Variants in ADGRL3 observed in about 807,000 individuals in gnomAD.
ADGRL3 encodes adhesion G protein-coupled receptor L3.
In ADGRL3, 62 loss-of-function variants were observed where a neutral mutation model predicts 153.5. The ratio of observed to expected loss-of-function variants is 0.40; its 90% CI spans 0.33 to 0.50. ADGRL3 has a LOEUF of 0.50. Ranked by LOEUF, ADGRL3 falls within the 20% of genes least tolerant of loss-of-function variation. ADGRL3 has a pLI of 0.47. For missense variants in ADGRL3, 1,641 were observed against 1,859.4 expected (o/e 0.88, Z 2.16); for synonymous variants, 710 against 672.5 (o/e 1.06, Z -0.86).
At chr4:61,824,643 C>G (rs2097784974) in intron 9 of ADGRL3, among the ~76,000 whole-genome samples, 1 of 152,104 alleles carries the variant, frequency 6.6e-6, no homozygotes, top group Non-Finnish European at 1.5e-5. Context: ...TCTGCCTTGA[C>G]CTCCAAATGT....
rs1217679420 is a variant in ADGRL3 at position 61,979,789 on chromosome 4, G to C, written c.3015+17G>C. On this transcript the variant is annotated intron_variant, in intron 18 of 26. Coordinates refer to ENST00000683033, the MANE Select transcript of ADGRL3 (RefSeq NM_001387552.1). ...GACCAACCAGTAAGCAACCTACATTGATACCAGTGAAGAATTTTTCCACTT... is the reference window on the plus strand; with the variant it reads ...GACCAACCAGTAAGCAACCTACATTCATACCAGTGAAGAATTTTTCCACTT... 3 of 1,600,200 alleles carry C rather than the reference G, an allele frequency of 1.9e-6. No individual in the cohort carries two copies. Among genetic ancestry groups the C allele is most frequent in the South Asian group, 2.2e-5 (2 of 90,596 alleles).
At chr4:61,276,288 G>A (rs2149888236) in intron 1 of ADGRL3, among the ~76,000 whole-genome samples, 1 of 152,212 alleles carries the variant, frequency 6.6e-6, no homozygotes, top group African/African-American at 2.4e-5. Context: ...TCAGCCATAA[G>A]TCTAGATGCT....
chr4:61,612,181 C>T (rs2091445230), intron 5 of ADGRL3, among the ~76,000 whole-genome samples: 1 of 152,068 alleles, frequency 6.6e-6, no homozygotes, highest in East Asian at 1.9e-4. Context: ...CCAATTTAAG[C>T]TTATGATGAA....
chr4:61,580,275 C>T (rs1243013682), intron 4 of ADGRL3, among the ~76,000 whole-genome samples: 1 of 151,948 alleles, frequency 6.6e-6, no homozygotes, highest in Admixed American at 6.6e-5. Flanking sequence ...CAAAAGAGCT[C>T]TTTTTTTCAT....
chr4:61,426,251 T>C (rs1403499420), intron 2 of ADGRL3, among the ~76,000 whole-genome samples: 1 of 152,240 alleles, frequency 6.6e-6, no homozygotes, highest in Non-Finnish European at 1.5e-5. Flanking sequence ...ACTGCCCATC[T>C]ATTGGTGCAG....
intron 8 of ADGRL3, among the ~76,000 whole-genome samples, chr4:61,798,111 T>C (rs1413349851): frequency 2.6e-5 from 4 of 152,196 alleles, no homozygotes; most frequent in South Asian, 4.1e-4. Context: ...TATGGGCAAG[T>C]AGGGTAGCAT....
At chr4:61,862,693 G>C (rs115103433) in intron 9 of ADGRL3, among the ~76,000 whole-genome samples, 721 of 152,212 alleles carry the variant, frequency 4.7e-3, no homozygotes, top group African/African-American at 0.016. Context: ...CATCCTCTGG[G>C]AACTTGTTAG....
chr4:61,647,982 A>G (rs12504607), intron 5 of ADGRL3, among the ~76,000 whole-genome samples: 55,249 of 152,034 alleles, frequency 0.36, 11,637 homozygotes, highest in Non-Finnish European at 0.49. Flanking sequence ...CTGTGGGAAG[A>G]CGTTTTACCT....
chr4:61,291,194 ACACACACACACACACACACACACG>A (rs2094168321), intron 1 of ADGRL3, among the ~76,000 whole-genome samples: 2 of 102,404 alleles, frequency 2.0e-5, no homozygotes, highest in African/African-American at 6.8e-5. Context: ...ACACACACAC[ACACACACACACACACACACACACG>A]CACACACACA....
chr4:61,200,624 T>C lies in ADGRL3; in HGVS notation c.-1381T>C, dbSNP rs1734361187. On this transcript the variant is annotated 5_prime_UTR_variant, in exon 1 of 27. Coordinates refer to ENST00000683033, the MANE Select transcript of ADGRL3 (RefSeq NM_001387552.1). ...CTCGCCCCCTCCCCTTTCTTTCTTCTCTTTTTGCCTTGGTCCTCTTCCTAC... is the reference window on the plus strand; with the variant it reads ...CTCGCCCCCTCCCCTTTCTTTCTTCCCTTTTTGCCTTGGTCCTCTTCCTAC... 6.6e-6 allele frequency among the ~76,000 whole-genome samples: 1 copy of C among 151,748 alleles called. No individual in the cohort carries two copies. The highest frequency in any genetic ancestry group is 6.5e-5 in the Admixed American group (1 of 15,288).
chr4:61,503,266 T>C (rs1306143579), intron 3 of ADGRL3, among the ~76,000 whole-genome samples: 2 of 152,146 alleles, frequency 1.3e-5, no homozygotes, highest in African/African-American at 4.8e-5. Context: ...AATTTAATTG[T>C]AGTAATAATC....
At chr4:61,930,636 A>G (rs2098813937) in intron 13 of ADGRL3, among the ~76,000 whole-genome samples, 1 of 152,188 alleles carries the variant, frequency 6.6e-6, no homozygotes, top group African/African-American at 2.4e-5. Context: ...TCTGAATTTA[A>G]TGATAAGAGT....
chr4:61,651,394 CTG>C (rs1393179239), intron 5 of ADGRL3, among the ~76,000 whole-genome samples: 1 of 151,998 alleles, frequency 6.6e-6, no homozygotes, highest in East Asian at 1.9e-4. Flanking sequence ...ACCAAAATTC[CTG>C]TGCCTTTAAC....
chr4:62,017,400 T>C lies in ADGRL3; in HGVS notation c.3396-11455T>C, dbSNP rs59343145. Among the ~76,000 whole-genome samples, 351 of 151,726 alleles carry C rather than the reference T, an allele frequency of 2.3e-3. 2 individuals are homozygous for C. Among genetic ancestry groups the C allele is most frequent in the African/African-American group, 8.2e-3 (340 of 41,510 alleles). Reference sequence around the variant, plus strand: ...AATTGTTTTGTATTTTCTTGAAAAATACTAAAGTTCATAAATAGTTTTTTT... The same window carrying C: ...AATTGTTTTGTATTTTCTTGAAAAACACTAAAGTTCATAAATAGTTTTTTT... On this transcript the variant is annotated intron_variant, in intron 21 of 26. Transcript: ENST00000683033.
chr4:61,919,122 G>T (rs1001057840), intron 13 of ADGRL3, among the ~76,000 whole-genome samples: 1 of 152,164 alleles, frequency 6.6e-6, no homozygotes, highest in Non-Finnish European at 1.5e-5. Flanking sequence ...GGCCTGTCAG[G>T]CTGGATGTCC....
intron 9 of ADGRL3, among the ~76,000 whole-genome samples, chr4:61,866,384 G>A (rs1460750141): frequency 1.3e-5 from 2 of 152,170 alleles, no homozygotes; most frequent in African/African-American, 2.4e-5. Context: ...CCTGCTAGTG[G>A]CATGAGATAC....
intron 2 of ADGRL3, among the ~76,000 whole-genome samples, chr4:61,408,651 A>T (rs1404363436): frequency 6.6e-6 from 1 of 152,056 alleles, no homozygotes; most frequent in Non-Finnish European, 1.5e-5. Flanking sequence ...TATTTAATCT[A>T]GATTATTTAA....
rs112578847 is a variant in ADGRL3, at chr4:61,611,451, A to G, written c.473+24011A>G. Among the ~76,000 whole-genome samples the G allele has an allele frequency of 3.1e-4, 47 of 152,260 alleles. 2 individuals are homozygous for G. The highest frequency in any genetic ancestry group is 1.1e-3 in the African/African-American group (46 of 41,568). ...ACTAGCTGTCTATGTCATAGTAGCT[A>G]TAGTAAATTTAATTTGATGGTGAAA... On this transcript the variant is annotated intron_variant, in intron 5 of 26. Transcript: ENST00000683033.
At chr4:61,527,901 TG>T (rs2098580584) in intron 4 of ADGRL3, among the ~76,000 whole-genome samples, 1 of 152,158 alleles carries the variant, frequency 6.6e-6, no homozygotes, top group Non-Finnish European at 1.5e-5. Context: ...ATACAGTTCC[TG>T]GTGCCTCCAC....
Sources: gnomAD v4.1 joint callset for allele counts (sites outside exome capture counted in the v4.1 genomes callset) on GRCh38, gnomAD v4.1.1 for gene constraint, MANE v1.5 for transcripts, NCBI Gene and HGNC (gene_info 2026-07-23, HGNC 2026-07-21) for gene names.